Variants in B4GALNT1 observed in about 807,000 individuals in gnomAD.
B4GALNT1 encodes beta-1,4-N-acetyl-galactosaminyltransferase 1, also known as beta-1,4 N-acetylgalactosaminyltransferase 1.
B4GALNT1 carries 43 observed loss-of-function variants against 55.2 expected under a neutral mutation model. The observed-to-expected ratio is 0.78, with a 90% CI of 0.61 to 1.00. B4GALNT1 has a LOEUF of 1.00. Among genes scored for constraint, B4GALNT1 ranks in the 50% least tolerant of loss-of-function variants. The pLI is 0.00. For missense variants in B4GALNT1, 664 were observed against 729.7 expected, an observed-to-expected ratio of 0.91 and a Z score of 1.04; for synonymous variants, 305 against 311.6, an observed-to-expected ratio of 0.98 and a Z score of 0.22.
rs375772910 is a variant in B4GALNT1, at chr12:57,626,915, G to A, written c.1431C>T (p.Ser477=). ...GLGSLRVGSC[S]DVVVDHASKL... ...TGGATGCATGATCCACCACGACGTC[G>A]GAGCAGGAGCCAACCCGAAGGGAAC... The change falls in exon 11 of 11, where the codon TCC becomes TCT. Residue 477 remains serine (S), a synonymous_variant. Transcript: ENST00000341156. 62 of 1,614,092 alleles carry A rather than the reference G, an allele frequency of 3.8e-5. No individual in the cohort carries two copies. In the African/African-American group the frequency reaches 5.6e-4, roughly 15 times the overall value.
At position 57,629,161 on chromosome 12, in the gene B4GALNT1, C is replaced by T. The variant is rs750939449; in HGVS notation, c.713-15G>A. 1.9e-6 allele frequency: 3 copies of T among 1,563,824 alleles called. No individual in the cohort carries two copies. The South Asian group carries it at 3.5e-5, about 19-fold the overall frequency. On this transcript the variant is annotated splice_polypyrimidine_tract_variant and intron_variant, in intron 6 of 10. Coordinates refer to ENST00000341156, the MANE Select transcript of B4GALNT1 (RefSeq NM_001478.5). ...GGAGAACCGGACTGGGAAGAAAGGA[C>T]ATGGCATTTGACCCTGAAGGGTGGG...
Position 57,623,863 on chromosome 12 carries a change from G to T in B4GALNT1, c.*2881C>A. The T allele has an allele frequency of 6.2e-7, 1 of 1,614,050 alleles. No homozygotes were observed. Among genetic ancestry groups the T allele is most frequent in the Non-Finnish European group, 8.5e-7 (1 of 1,180,004 alleles). ...GGCAGGCCTCTTCTCCTGCACAGTG[G>T]TCCTGTCGGTGCTGCTGTGGCTGGG... is the stretch of plus-strand genomic sequence containing the variant. On this transcript the variant is annotated 3_prime_UTR_variant, in exon 11 of 11. Transcript: ENST00000341156.
chr12:57,628,009 C>A (rs768564431), intron 9 of B4GALNT1, 113 bp downstream of exon 9: 5 of 1,506,792 alleles, frequency 3.3e-6, no homozygotes, highest in Non-Finnish European at 4.4e-6. Flanking sequence ...GGCCCCACTT[C>A]GTGGTTCTCT....
rs1885007735 is a variant in B4GALNT1, at chr12:57,628,758, G to A, written c.957C>T (p.Arg319=). The A allele has an allele frequency of 3.1e-6, 5 of 1,614,122 alleles. No homozygotes were observed. Among genetic ancestry groups the A allele is most frequent in the African/African-American group, 1.3e-5 (1 of 74,948 alleles). The stretch of plus-strand genomic sequence containing the variant: ...AGTGTTCCACGTAGGGGCCACTAAC[G>A]CGCTCTGGCTTGTCGCTGTCGTCAG... ...VIADDSDKPE[R]VSGPYVEHYL... is the part of the protein sequence containing the mutation. The change falls in exon 8 of 11, where the codon CGC becomes CGT. Residue 319 remains arginine (R), a synonymous_variant. Coordinates refer to ENST00000341156, the MANE Select transcript of B4GALNT1 (RefSeq NM_001478.5).
chr12:57,627,604 G>T lies in B4GALNT1; in HGVS notation c.1384+14C>A. Reference sequence around the variant, plus strand: ...GGCTCCTGCCAGGGTCGACCGGGAGGGGGTGCCACTCACCCAGATGAGCCA... The same window carrying T: ...GGCTCCTGCCAGGGTCGACCGGGAGTGGGTGCCACTCACCCAGATGAGCCA... On this transcript the variant is annotated intron_variant, in intron 10 of 10. Transcript: ENST00000341156. 1.3e-6 allele frequency: 2 copies of T among 1,570,796 alleles called. No homozygotes were observed. The highest frequency in any genetic ancestry group is 1.7e-6 in the Non-Finnish European group (2 of 1,152,642).
chr12:57,625,695 G>A lies in B4GALNT1; in HGVS notation c.*1049C>T. The A allele has an allele frequency of 6.4e-7, 1 of 1,554,726 alleles. No homozygotes were observed. The highest frequency in any genetic ancestry group is 8.7e-7 in the Non-Finnish European group (1 of 1,152,284). ...TTATGCCCTGGGGAGCCTGTTAAGGGGCAGTAGCACCAGGAGCGGGAGCCA... is the reference window on the plus strand; with the variant it reads ...TTATGCCCTGGGGAGCCTGTTAAGGAGCAGTAGCACCAGGAGCGGGAGCCA... On this transcript the variant is annotated 3_prime_UTR_variant, in exon 11 of 11. Coordinates refer to ENST00000341156, the MANE Select transcript of B4GALNT1 (RefSeq NM_001478.5).
chr12:57,626,702 G>C lies in B4GALNT1; in HGVS notation c.*42C>G, dbSNP rs755227244. The C allele has an allele frequency of 5.0e-6, 8 of 1,606,146 alleles. No individual in the cohort carries two copies. Among genetic ancestry groups the C allele is most frequent in the Non-Finnish European group, 6.0e-6 (7 of 1,173,198 alleles). ...GTTGGAAATTCCTGGCAGGGACAAG[G>C]AGGCAGGCCCAGCCTGACAGTCAGA... On this transcript the variant is annotated 3_prime_UTR_variant, in exon 11 of 11. Transcript: ENST00000341156.
rs1884660671 is a variant in B4GALNT1 at position 57,624,418 on chromosome 12, A to G, written c.*2326T>C. ...ATCTCTCCCCATCACTTGCCTTGGT[A>G]GTCACTGCCCTGGATCTCTTTACCC... On this transcript the variant is annotated 3_prime_UTR_variant, in exon 11 of 11. Transcript: ENST00000341156. 2 of 602,700 alleles carry G rather than the reference A, an allele frequency of 3.3e-6. No homozygotes were observed. Among genetic ancestry groups the G allele is most frequent in the African/African-American group, 1.8e-5 (1 of 54,818 alleles). 37.3% of individuals were successfully genotyped at this position (602,700 alleles called of 1,614,324 possible).
rs1237151340 is a variant in B4GALNT1, at chr12:57,627,819, T to C, written c.1183A>G (p.Thr395Ala). ...TCCACGCTCAGCAGCTGCCGATAAG[T>C]GGTGGCAAAGCCGGAGATCTCGCGC... ...AVREISGFAT[T>A]YRQLLSVEPG... is the part of the protein sequence containing the mutation. The change falls in exon 10 of 11, where the codon ACT becomes GCT. Residue 395 changes from threonine (T) to alanine (A), a missense_variant. Coordinates refer to ENST00000341156, the MANE Select transcript of B4GALNT1 (RefSeq NM_001478.5). 1 of 1,592,116 alleles carries C rather than the reference T, an allele frequency of 6.3e-7. No individual in the cohort carries two copies. Among genetic ancestry groups the C allele is most frequent in the South Asian group, 1.1e-5 (1 of 89,242 alleles).
intron 10 of B4GALNT1, 69 bp from the exon 11 acceptor site, chr12:57,627,030 T>A (rs1438954875): frequency 1.5e-6 from 2 of 1,376,244 alleles, no homozygotes; most frequent in African/African-American, 1.4e-5. Flanking sequence ...AAGGGAGAAC[T>A]CTCAAATTTA....
chr12:57,625,409 G>T lies in B4GALNT1; in HGVS notation c.*1335C>A, dbSNP rs774716854. On this transcript the variant is annotated 3_prime_UTR_variant, in exon 11 of 11. Coordinates refer to ENST00000341156, the MANE Select transcript of B4GALNT1 (RefSeq NM_001478.5). The stretch of plus-strand genomic sequence containing the variant: ...TTAACCCCTTTGCCCCATCCCTGCA[G>T]CTGGCCAGCCGATGTCGAGATGCTA... 1.7e-5 allele frequency: 27 copies of T among 1,614,086 alleles called. No individual in the cohort carries two copies. Among genetic ancestry groups the T allele is most frequent in the East Asian group, 4.5e-5 (2 of 44,892 alleles).
chr12:57,630,670 C>G (rs1454451246), intron 4 of B4GALNT1, 152 bp from the exon 5 acceptor site: 3 of 1,024,448 alleles, frequency 2.9e-6, no homozygotes, highest in Non-Finnish European at 1.4e-6. Context: ...ACATAGCCTA[C>G]AGTGACTGAT....
chr12:57,627,591 G>A, intron 10 of B4GALNT1, 27 bp downstream of exon 10: 2 of 1,557,936 alleles, frequency 1.3e-6, no homozygotes, highest in Non-Finnish European at 1.7e-6. Context: ...CTCCTGCCAG[G>A]GTCGACCGGG....
intron 2 of B4GALNT1, 34 bp downstream of exon 2, chr12:57,631,881 A>AGCGCT (rs1450425506): frequency 3.7e-6 from 5 of 1,364,502 alleles, no homozygotes; most frequent in Admixed American, 3.5e-5. Flanking sequence ...ACCCCCAGCG[A>AGCGCT]GCGCTGCGCT....
Position 57,628,801 on chromosome 12 carries a change from G to C in B4GALNT1, c.914C>G (p.Thr305Arg). The C allele has an allele frequency of 6.2e-7, 1 of 1,614,238 alleles. No individual in the cohort carries two copies. Among genetic ancestry groups the C allele is most frequent in the Non-Finnish European group, 8.5e-7 (1 of 1,180,040 alleles). ...GTCGTCAGCGATGACCACGGTAACC[G>C]TTGGGTAGAAGCGGCGGATACTGGT... ...LITSIRRFYP[T>R]VTVVIADDSD... is the part of the protein sequence containing the mutation. The change falls in exon 8 of 11, where the codon ACG (threonine) becomes AGG (arginine). Residue 305 changes from threonine to arginine, a missense_variant. Thr to Arg is a moderately conservative substitution (Grantham distance 71). Transcript: ENST00000341156.
rs762030346 is a variant in B4GALNT1, at chr12:57,624,614, T to C, written c.*2130A>G. 16 of 699,008 alleles carry C rather than the reference T, an allele frequency of 2.3e-5. 1 individual carries two copies. In the East Asian group the frequency reaches 2.9e-4, roughly 13 times the overall value. 43.3% of individuals were successfully genotyped at this position (699,008 alleles called of 1,614,324 possible). A position where few individuals can be genotyped will look rare whatever the true frequency, so the allele number is the denominator to read the frequency against. Reference sequence around the variant, plus strand: ...GGTCTGCCGCACCCGGAGGTGGGCATAGAGATGAGTGGAGTTGAGGTCGGG... The same window carrying C: ...GGTCTGCCGCACCCGGAGGTGGGCACAGAGATGAGTGGAGTTGAGGTCGGG... On this transcript the variant is annotated 3_prime_UTR_variant, in exon 11 of 11. Transcript: ENST00000341156.
chr12:57,630,093 G>A (rs1885098447), intron 6 of B4GALNT1, 59 bp downstream of exon 6: 1 of 1,613,576 alleles, frequency 6.2e-7, no homozygotes, highest in Non-Finnish European at 8.5e-7. Context: ...GCCCACTCCA[G>A]CCTTTCTGGT....
In B4GALNT1 at chr12:57,631,462, TTCTG is replaced by T; in HGVS notation, c.219-102_219-99del. ...AGCACCCCACACCTTGGCCCTGCAA[TTCTG>T]TCTGTCTAGGCTCTGTCCCCTTAAA... On this transcript the variant is annotated intron_variant, in intron 2 of 10. Transcript: ENST00000341156. 4 of 1,387,712 alleles carry T rather than the reference TTCTG, an allele frequency of 2.9e-6. No homozygotes were observed. In the South Asian group the frequency reaches 3.9e-5, roughly 13 times the overall value. 86.0% of individuals were successfully genotyped at this position (1,387,712 alleles called of 1,614,324 possible). A position where few individuals can be genotyped will look rare whatever the true frequency, so the allele number is the denominator to read the frequency against.
chr12:57,626,585 A>C lies in B4GALNT1; in HGVS notation c.*159T>G. The C allele has an allele frequency of 1.2e-6, 1 of 825,978 alleles. No individual in the cohort carries two copies. Among genetic ancestry groups the C allele is most frequent in the Non-Finnish European group, 1.9e-6 (1 of 516,204 alleles). The allele number at this position is 825,978 out of a possible 1,614,324, so 51.2% of individuals were successfully genotyped here. ...GAAAAAGGAGGGGTGTCACCAGGACAACCCCTACTGGGCATCAGGTTCTGA... is the reference window on the plus strand; with the variant it reads ...GAAAAAGGAGGGGTGTCACCAGGACCACCCCTACTGGGCATCAGGTTCTGA... On this transcript the variant is annotated 3_prime_UTR_variant, in exon 11 of 11. Transcript: ENST00000341156.
Sources: gnomAD v4.1 joint callset for allele counts on GRCh38, gnomAD v4.1.1 for gene constraint, MANE v1.5 for transcripts, NCBI Gene and HGNC (gene_info 2026-07-23, HGNC 2026-07-21) for gene names.